The following CRELD2 variants were observed in gnomAD, a reference collection of about 807,000 sequenced individuals.
The protein encoded by CRELD2 is protein disulfide isomerase CRELD2.
In CRELD2, 33 loss-of-function variants were observed where a neutral mutation model predicts 48.1. The observed-to-expected ratio is 0.69, with a 90% CI of 0.52 to 0.92. CRELD2 has a LOEUF of 0.92. Among genes scored for constraint, CRELD2 ranks in the 40% least tolerant of loss-of-function variants. The pLI, the probability that CRELD2 is intolerant of heterozygous loss-of-function variation, is 0.00. For missense variants in CRELD2, 477 were observed against 482.4 expected (o/e 0.99, Z 0.10); for synonymous variants, 220 against 203.9 (o/e 1.08, Z -0.67).
chr22:49,923,470 G>T, intron 7 of CRELD2, 153 bp downstream of exon 7: 2 of 722,888 alleles, frequency 2.8e-6, no homozygotes, highest in Middle Eastern at 2.3e-4. Flanking sequence ...GGTATTTGCT[G>T]CAGGAAAATC....
chr22:49,925,651 T>C, intron 9 of CRELD2, 94 bp downstream of exon 9: 1 of 1,578,550 alleles, frequency 6.3e-7, no homozygotes, highest in South Asian at 1.1e-5. Flanking sequence ...TCCACACAGA[T>C]GGTGGCCTTG....
In CRELD2 at chr22:49,919,839, C is replaced by T; in HGVS notation, c.322C>T (p.Leu108=). Residue 108 remains leucine, a splice_region_variant and synonymous_variant, in exon 3 of 10, where the codon CTG becomes TTG. Coordinates refer to ENST00000328268, the MANE Select transcript of CRELD2 (RefSeq NM_024324.5). ...GCACCTGGAGGCCTGGTGGCTGCAG[C>T]TGTGAGTGCCTTAAAACCTCTTAGA... ...EEHLEAWWLQ[L]KSEYPDLFEW... 1 of 1,588,344 alleles carries T rather than the reference C, an allele frequency of 6.3e-7. No individual in the cohort carries two copies. The highest frequency in any genetic ancestry group is 8.6e-7 in the Non-Finnish European group (1 of 1,159,904).
In CRELD2 at chr22:49,924,471, T is replaced by C; in HGVS notation, c.868+16T>C. On this transcript the variant is annotated intron_variant, in intron 8 of 9. Coordinates refer to ENST00000328268, the MANE Select transcript of CRELD2 (RefSeq NM_024324.5). ...CAGTGTGCAGGTCAGTGACGGGGTC[T>C]GTGCTGGACGCTGGTGGACCCTTCC... 1 of 1,566,510 alleles carries C rather than the reference T, an allele frequency of 6.4e-7. No individual in the cohort carries two copies. The highest frequency in any genetic ancestry group is 8.7e-7 in the Non-Finnish European group (1 of 1,146,744).
intron 8 of CRELD2, chr22:49,924,695 C>T (rs1322660071): frequency 6.1e-6 from 2 of 330,318 alleles, no homozygotes; most frequent in African/African-American, 2.1e-5. Flanking sequence ...ACCAGCCTCT[C>T]GCCGGTGGCC....
Position 49,923,271 on chromosome 22 carries a change from C to T in CRELD2, c.726C>T (p.Ser242=), listed in dbSNP as rs780275740. ...GTGCGGCCGAGCCGCCTCCCTGCAG[C>T]GCTGCGCAGTTCTGTAAGAACGCCA... The part of the protein sequence containing the change: ...DECAAEPPPC[S]AAQFCKNANG... The change falls in exon 7 of 10, where the codon AGC becomes AGT. Residue 242 remains serine, a synonymous_variant. Coordinates refer to ENST00000328268, the MANE Select transcript of CRELD2 (RefSeq NM_024324.5). 1.0e-5 allele frequency: 16 copies of T among 1,606,822 alleles called. No homozygotes were observed. The highest frequency in any genetic ancestry group is 8.9e-5 in the South Asian group (8 of 90,032).
chr22:49,922,128 A>G, intron 5 of CRELD2: 1 of 776,452 alleles, frequency 1.3e-6, no homozygotes, highest in South Asian at 2.0e-5. Flanking sequence ...TATGAGTGGC[A>G]TCTTTCCAAA....
Position 49,921,654 on chromosome 22 carries a change from G to A in CRELD2, c.485G>A (p.Gly162Asp), listed in dbSNP as rs1234610447. Residue 162 changes from glycine to aspartate, a missense_variant, in exon 5 of 10, where the codon GGC becomes GAC. Coordinates refer to ENST00000328268, the MANE Select transcript of CRELD2 (RefSeq NM_024324.5). ...GHCSGDGSRQGDGSCRCHMGY... is the reference protein window; with the variant it reads ...GHCSGDGSRQDDGSCRCHMGY... ...TGCAGCGGAGATGGGAGCAGACAGGGCGACGGGTCCTGCCGGTGCCACATG... is the reference window on the plus strand; with the variant it reads ...TGCAGCGGAGATGGGAGCAGACAGGACGACGGGTCCTGCCGGTGCCACATG... The A allele has an allele frequency of 1.2e-6, 2 of 1,612,742 alleles. No homozygotes were observed. The highest frequency in any genetic ancestry group is 2.7e-5 in the African/African-American group (2 of 74,922).
At position 49,918,872 on chromosome 22, in the gene CRELD2, CG is replaced by C. The variant is rs1299165300; in HGVS notation, c.108del (p.Leu37TrpfsTer58). The C allele has an allele frequency of 6.9e-6, 9 of 1,300,232 alleles. No individual in the cohort carries two copies. The highest frequency in any genetic ancestry group is 6.6e-5 in the South Asian group (3 of 45,482). 80.5% of individuals were successfully genotyped at this position (1,300,232 alleles called of 1,614,324 possible). A position where few individuals can be genotyped will look rare whatever the true frequency, so the allele number is the denominator to read the frequency against. On this transcript the variant is annotated frameshift_variant, in exon 1 of 10. Transcript: ENST00000328268. LOFTEE classifies it high-confidence loss of function. ...GAAGCCGACGCCCTGCCACCGGTGCCGGGGGCTGGTGGACAAGTTTAACCAG... is the reference window on the plus strand; with the variant it reads ...GAAGCCGACGCCCTGCCACCGGTGCCGGGGCTGGTGGACAAGTTTAACCAG... ...AKKPTPCHRC[R>X]GLVDKFNQGM...
rs758721295 is a variant in CRELD2 at position 49,927,216 on chromosome 22, T to G, written c.1010-39T>G. 3.1e-6 allele frequency: 5 copies of G among 1,597,724 alleles called. No individual in the cohort carries two copies. The Admixed American group carries it at 8.3e-5, about 27-fold the overall frequency. On this transcript the variant is annotated intron_variant, in intron 9 of 9. Transcript: ENST00000328268. ...GAAAGGCCTCATCCCCAGGGCCCTT[T>G]GTGCTCAGCCTTGACGACCTATGCT...
chr22:49,924,346 G>T lies in CRELD2; in HGVS notation c.773-14G>T. On this transcript the variant is annotated splice_polypyrimidine_tract_variant and intron_variant, in intron 7 of 9. Transcript: ENST00000328268. ...TTGTGCATGTCGGGGTCTGACGCTGGCTCCCTGTTGCAGAGTGTGACTCCA... is the reference window on the plus strand; with the variant it reads ...TTGTGCATGTCGGGGTCTGACGCTGTCTCCCTGTTGCAGAGTGTGACTCCA... 2 of 1,599,394 alleles carry T rather than the reference G, an allele frequency of 1.3e-6. No individual in the cohort carries two copies. Among genetic ancestry groups the T allele is most frequent in the Non-Finnish European group, 1.7e-6 (2 of 1,170,354 alleles).
chr22:49,923,354 C>CCGGGTTT (rs1569186576), intron 7 of CRELD2, 37 bp downstream of exon 7: 1 of 1,528,640 alleles, frequency 6.5e-7, no homozygotes, highest in Admixed American at 1.7e-5. Context: ...CCGGGGCCTG[C>CCGGGTTT]CGGGTTTCGT....
At chr22:49,924,237 C>T in intron 7 of CRELD2, 123 bp from the exon 8 acceptor site, 1 of 634,690 alleles carries the variant, frequency 1.6e-6, no homozygotes. Flanking sequence ...GTTATAAAGT[C>T]ACTTGGTGAT....
Position 49,922,620 on chromosome 22 carries a change from G to A in CRELD2, c.601G>A (p.Glu201Lys), listed in dbSNP as rs373662275. Reference sequence around the variant, plus strand: ...CCGCCTTTGCCTTCCAGCCTGTGACGAGTCCTGCAAGACGTGCTCGGGCCT... The same window carrying A: ...CCGCCTTTGCCTTCCAGCCTGTGACAAGTCCTGCAAGACGTGCTCGGGCCT... The part of the protein sequence containing the change: ...ETHSICTACD[E>K]SCKTCSGLTN... Residue 201 changes from glutamate to lysine, a missense_variant, in exon 6 of 10, where the codon GAG (glutamate) becomes AAG (lysine). Physicochemically the swap from Glu to Lys is moderately conservative, Grantham distance 56. Transcript: ENST00000328268. The A allele has an allele frequency of 9.6e-5, 150 of 1,557,604 alleles. No homozygotes were observed. The highest frequency in any genetic ancestry group is 3.6e-4 in the African/African-American group (26 of 73,224).
intron 8 of CRELD2, chr22:49,924,691 C>G (rs537829580): frequency 7.8e-5 from 27 of 345,602 alleles, no homozygotes; most frequent in Non-Finnish European, 1.2e-4. Context: ...CTGCACCAGC[C>G]TCTCGCCGGT....
intron 3 of CRELD2, 21 bp from the exon 4 acceptor site, chr22:49,920,135 A>C (rs555701929): frequency 2.6e-6 from 4 of 1,520,486 alleles, no homozygotes; most frequent in Admixed American, 3.4e-5. Context: ...GGATTCAGTG[A>C]ATGTTTTCCT....
rs2060705738 is a variant in CRELD2, at chr22:49,922,755, G to A, written c.688+48G>A. On this transcript the variant is annotated intron_variant, in intron 6 of 9. Transcript: ENST00000328268. ...AGGAGGGCGCCTGCGTGAGGCGTGG[G>A]GGGTGTGAGATGGGGGCGTAAGGCG... 3 of 1,068,316 alleles carry A rather than the reference G, an allele frequency of 2.8e-6. No homozygotes were observed. The South Asian group carries it at 4.6e-5, about 16-fold the overall frequency. The allele number at this position is 1,068,316 out of a possible 1,614,324, so 66.2% of individuals were successfully genotyped here.
intron 7 of CRELD2, 158 bp from the exon 8 acceptor site, chr22:49,924,202 T>C (rs2060733010): frequency 7.0e-6 from 4 of 573,782 alleles, no homozygotes; most frequent in Non-Finnish European, 1.3e-5. Flanking sequence ...GAGTCTGTGC[T>C]TTTGCCGGGA....
rs925043938 is a variant in CRELD2 at position 49,923,117 on chromosome 22, C to T, written c.689-117C>T. 4.0e-6 allele frequency: 3 copies of T among 759,002 alleles called. No homozygotes were observed. The African/African-American group carries it at 5.3e-5, about 13-fold the overall frequency. 47.0% of individuals were successfully genotyped at this position (759,002 alleles called of 1,614,324 possible). ...TGATTCCTCCTCAGGGGCTGCCCTC[C>T]TCCCTGCCCTTCCCCAGCCGGCCCT... is the stretch of plus-strand genomic sequence containing the variant. On this transcript the variant is annotated intron_variant, in intron 6 of 9. Coordinates refer to ENST00000328268, the MANE Select transcript of CRELD2 (RefSeq NM_024324.5).
chr22:49,925,446 A>AT lies in CRELD2; in HGVS notation c.898_899insT (p.Thr300IlefsTer22). 6.2e-7 allele frequency: 1 copy of AT among 1,613,162 alleles called. No homozygotes were observed. The highest frequency in any genetic ancestry group is 8.5e-7 in the Non-Finnish European group (1 of 1,179,486). ...GGACGAGTGCTCACTAGCAGAAAAA[A>AT]CCTGTGTGAGGAAAAACGAAAACTG... is the stretch of plus-strand genomic sequence containing the variant. On this transcript the variant is annotated frameshift_variant, in exon 9 of 10. Transcript: ENST00000328268. LOFTEE classifies it high-confidence loss of function.
Sources: allele counts gnomAD v4.1 joint callset, GRCh38; gene constraint gnomAD v4.1.1; transcripts MANE v1.5; gene names NCBI Gene and HGNC (gene_info 2026-07-23, HGNC 2026-07-21).